Variants in PAK1 observed in about 807,000 individuals in gnomAD.
The protein encoded by PAK1 is serine/threonine-protein kinase PAK 1.
A neutral mutation model predicts 67.4 loss-of-function variants in PAK1; 29 were observed. The observed-to-expected ratio is 0.43, with a 90% CI of 0.32 to 0.59. The LOEUF (loss-of-function observed/expected upper bound fraction) is 0.59, where lower values mean the gene tolerates loss of function less well. Ranked by LOEUF, PAK1 falls within the 20% of genes least tolerant of loss-of-function variation. PAK1 has a pLI of 0.07. For missense variants in PAK1, 337 were observed against 670.7 expected (o/e 0.50, Z 5.50); for synonymous variants, 223 against 237.4 (o/e 0.94, Z 0.56).
At chr11:77,452,999 G>T (rs907992984) in intron 1 of PAK1, among the ~76,000 whole-genome samples, 2 of 152,164 alleles carry the variant, frequency 1.3e-5, no homozygotes, top group African/African-American at 2.4e-5. Context: ...ACAAAAAAAT[G>T]AAAGCCCCAG....
In PAK1 at chr11:77,336,153, G is replaced by A; in HGVS notation, c.1346C>T (p.Ser449Phe). The A allele has an allele frequency of 6.2e-7, 1 of 1,613,782 alleles. No individual in the cohort carries two copies. Among genetic ancestry groups the A allele is most frequent in the Non-Finnish European group, 8.5e-7 (1 of 1,179,696 alleles). The change falls in exon 13 of 15, where the codon TCC (serine) becomes TTC (phenylalanine). Residue 449 changes from serine (S) to phenylalanine (F), a missense_variant. Physicochemically the swap from Ser to Phe is radical, Grantham distance 155 (BLOSUM62 -2). Transcript: ENST00000356341. ...CATTTCGATGGCCATGATGCCCAGG[G>A]ACCAGATGTCAACCTTGGGCCCATA... The part of the protein sequence containing the change: ...KAYGPKVDIW[S>F]LGIMAIEMIE...
intron 14 of PAK1, among the ~76,000 whole-genome samples, chr11:77,331,706 A>G (rs1295581825): frequency 2.0e-5 from 3 of 152,122 alleles, no homozygotes; most frequent in African/African-American, 7.2e-5. Context: ...TAATGGGTAC[A>G]GCACACCAAC....
intron 5 of PAK1, among the ~76,000 whole-genome samples, chr11:77,362,677 T>G (rs1048528809): frequency 6.6e-6 from 1 of 152,206 alleles, no homozygotes; most frequent in African/African-American, 2.4e-5. Context: ...GATAAAGCTA[T>G]GTAAAATTCA....
At chr11:77,371,573 A>C (rs1356134694) in intron 5 of PAK1, among the ~76,000 whole-genome samples, 1 of 152,158 alleles carries the variant, frequency 6.6e-6, no homozygotes, top group Non-Finnish European at 1.5e-5. Flanking sequence ...TGAGTCACTT[A>C]ATCTTTCTGA....
the PAK1 span, among the ~76,000 whole-genome samples, chr11:77,507,817 C>T: frequency 2.6e-5 from 4 of 152,352 alleles, no homozygotes; most frequent in South Asian, 8.3e-4. Flanking sequence ...TGAGCCACCA[C>T]ACCTGGCTCC....
intron 11 of PAK1, among the ~76,000 whole-genome samples, chr11:77,340,125 T>C (rs1257635864): frequency 6.6e-6 from 1 of 152,160 alleles, no homozygotes; most frequent in Non-Finnish European, 1.5e-5. Context: ...TTCCTGGAAG[T>C]ATTTTACCCT....
chr11:77,323,328 G>C lies in PAK1; in HGVS notation c.1584C>G (p.Ser528=). 1.2e-6 allele frequency: 2 copies of C among 1,613,564 alleles called. No individual in the cohort carries two copies. Among genetic ancestry groups the C allele is most frequent in the Middle Eastern group, 1.6e-4 (1 of 6,062 alleles). ...HQFLKIAKPL[S]SLTPLIAAAK... ...CTGCAGCAATCAGTGGAGTGAGGCTGGAGAGGGGCTTGGCAATCTTCAGGA... is the reference window on the plus strand; with the variant it reads ...CTGCAGCAATCAGTGGAGTGAGGCTCGAGAGGGGCTTGGCAATCTTCAGGA... The change falls in exon 15 of 15, where the codon TCC becomes TCG. Residue 528 remains serine (S), a synonymous_variant. Coordinates refer to ENST00000356341, the MANE Select transcript of PAK1 (RefSeq NM_002576.5).
In PAK1 at chr11:77,429,056, T is replaced by TA. The variant is rs566874549; in HGVS notation, c.-21-36516dup. 5.7e-3 allele frequency among the ~76,000 whole-genome samples: 281 copies of TA among 48,970 alleles called. 68 individuals are homozygous for TA. Among genetic ancestry groups the TA allele is most frequent in the Non-Finnish European group, 7.3e-3 (231 of 31,476 alleles). 32.1% of individuals were successfully genotyped at this position (48,970 alleles called of 152,430 possible). On this transcript the variant is annotated intron_variant, in intron 1 of 14. Coordinates refer to ENST00000356341, the MANE Select transcript of PAK1 (RefSeq NM_002576.5). ...TTGGATTCTAAATGCCATTTAATAC[T>TA]AAAAAAAAAAAAAAAAAAAAAAAAA...
intron 2 of PAK1, among the ~76,000 whole-genome samples, chr11:77,388,349 T>G (rs1950706650): frequency 6.6e-6 from 1 of 152,224 alleles, no homozygotes; most frequent in South Asian, 2.1e-4. Context: ...TATAGGATTC[T>G]ATTTTATTTT....
At chr11:77,383,009 A>G (rs1341563961) in intron 2 of PAK1, among the ~76,000 whole-genome samples, 2 of 152,094 alleles carry the variant, frequency 1.3e-5, no homozygotes, top group Non-Finnish European at 2.9e-5. Context: ...AAAAATAAAG[A>G]AAGAAAATAT....
At chr11:77,326,478 C>T (rs2729769) in intron 14 of PAK1, among the ~76,000 whole-genome samples, 39,805 of 152,034 alleles carry the variant, frequency 0.26, 5,923 homozygotes, top group South Asian at 0.45. Flanking sequence ...GTGGGCAGAT[C>T]GTTTGAGCCC....
intron 1 of PAK1, among the ~76,000 whole-genome samples, chr11:77,454,486 A>T (rs1956997281): frequency 6.6e-6 from 1 of 152,098 alleles, no homozygotes; most frequent in Non-Finnish European, 1.5e-5. Flanking sequence ...CCTACCCAGC[A>T]TCCATTCCCT....
At chr11:77,463,264 G>A (rs1957443607) in intron 1 of PAK1, among the ~76,000 whole-genome samples, 1 of 151,892 alleles carries the variant, frequency 6.6e-6, no homozygotes, top group Non-Finnish European at 1.5e-5. Context: ...TGGATCAAGG[G>A]ATACACAGAC....
chr11:77,438,909 C>G (rs1367051314), intron 1 of PAK1, among the ~76,000 whole-genome samples: 2 of 152,158 alleles, frequency 1.3e-5, no homozygotes, highest in Non-Finnish European at 2.9e-5. Flanking sequence ...ACCACTCACC[C>G]ACAAAGACAT....
Position 77,354,179 on chromosome 11 carries a change from A to C in PAK1, c.773-580T>G, listed in dbSNP as rs1945684369. 3.3e-5 allele frequency among the ~76,000 whole-genome samples: 5 copies of C among 152,272 alleles called. No individual in the cohort carries two copies. In the South Asian group the frequency reaches 1.0e-3, roughly 32 times the overall value. On this transcript the variant is annotated intron_variant, in intron 7 of 14. Transcript: ENST00000356341. ...GAATATTTCAAGTGCAACGACATAG[A>C]GGTTTTCCACTGGGTTTTATAACTT...
chr11:77,420,126 A>G (rs1313816991), intron 1 of PAK1, among the ~76,000 whole-genome samples: 1 of 152,240 alleles, frequency 6.6e-6, no homozygotes, highest in Non-Finnish European at 1.5e-5. Flanking sequence ...GAAAAGGTTC[A>G]TGGAAGAGGC....
At chr11:77,376,650 TTG>T (rs1949122471) in intron 4 of PAK1, among the ~76,000 whole-genome samples, 1 of 151,068 alleles carries the variant, frequency 6.6e-6, no homozygotes, top group African/African-American at 2.4e-5. Context: ...GGCAGAAGAA[TTG>T]CATGAACCCA....
At chr11:77,493,062 CTAA>C in the PAK1 span, among the ~76,000 whole-genome samples, 2 of 152,092 alleles carry the variant, frequency 1.3e-5, no homozygotes, top group Non-Finnish European at 2.9e-5. Context: ...CGAGAATGGA[CTAA>C]TACACTCCTG....
chr11:77,523,279 T>C, the PAK1 span, among the ~76,000 whole-genome samples: 2 of 152,320 alleles, frequency 1.3e-5, no homozygotes, highest in Middle Eastern at 3.4e-3. Flanking sequence ...TACTAAAATA[T>C]ATAATATCTC....
Sources: gnomAD v4.1 joint callset for allele counts (sites outside exome capture counted in the v4.1 genomes callset) on GRCh38, gnomAD v4.1.1 for gene constraint, MANE v1.5 for transcripts, NCBI Gene and HGNC (gene_info 2026-07-23, HGNC 2026-07-21) for gene names.